Variants in APLP2 observed in about 807,000 individuals in gnomAD.
APLP2 encodes the protein CDEI box-binding protein.
A neutral mutation model predicts 89.9 loss-of-function variants in APLP2; 53 were observed. The observed-to-expected ratio is 0.59, with a 90% CI of 0.47 to 0.74. The LOEUF (loss-of-function observed/expected upper bound fraction) is 0.74. Ranked by LOEUF, APLP2 falls within the 30% of genes least tolerant of loss-of-function variation. APLP2 has a pLI of 0.00. For missense variants in APLP2, 973 were observed against 975.9 expected (o/e 1.00, Z 0.04); for synonymous variants, 372 against 348.6 (o/e 1.07, Z -0.75).
At chr11:130,122,161 C>A in intron 5 of APLP2, 144 bp from the exon 6 acceptor site, 4 of 964,944 alleles carry the variant, frequency 4.1e-6, no homozygotes, top group South Asian at 1.6e-5. Context: ...TGTAGCTGGG[C>A]CCCAGGGCTT....
Position 130,143,255 on chromosome 11 carries a change from G to A in APLP2, c.2155-92G>A, listed in dbSNP as rs997407342. The A allele has an allele frequency of 1.8e-5, 19 of 1,078,080 alleles. No individual in the cohort carries two copies. The African/African-American group carries it at 3.2e-4, about 18-fold the overall frequency. 66.8% of individuals were successfully genotyped at this position (1,078,080 alleles called of 1,614,324 possible). A position where few individuals can be genotyped will look rare whatever the true frequency, so the allele number is the denominator to read the frequency against. On this transcript the variant is annotated intron_variant, in intron 16 of 16. Transcript: ENST00000338167. ...GGCTGCTGGCTGCATTTGGTCCTCAGGGGATTGTGCAGCAAATGGCTCAGG... is the reference window on the plus strand; with the variant it reads ...GGCTGCTGGCTGCATTTGGTCCTCAAGGGATTGTGCAGCAAATGGCTCAGG...
chr11:130,111,532 T>G (rs1280974952), intron 3 of APLP2, among the ~76,000 whole-genome samples: 2 of 152,244 alleles, frequency 1.3e-5, no homozygotes, highest in African/African-American at 4.8e-5. Context: ...TCCTTCTGCT[T>G]CTGATGGCAG....
chr11:130,075,419 G>T (rs536114096), intron 1 of APLP2, among the ~76,000 whole-genome samples: 1 of 152,274 alleles, frequency 6.6e-6, no homozygotes, highest in East Asian at 1.9e-4. Context: ...CATCCTACTA[G>T]TATTTATTAA....
chr11:130,075,132 A>G (rs887355800), intron 1 of APLP2, among the ~76,000 whole-genome samples: 1 of 152,194 alleles, frequency 6.6e-6, no homozygotes, highest in African/African-American at 2.4e-5. Context: ...TTTCTTACCT[A>G]AGCATCGTGA....
intron 3 of APLP2, among the ~76,000 whole-genome samples, chr11:130,120,226 G>T (rs1423081117): frequency 1.3e-5 from 2 of 152,132 alleles, no homozygotes; most frequent in African/African-American, 4.8e-5. Flanking sequence ...TTGCCCCTTT[G>T]TAATTAATCA....
intron 1 of APLP2, among the ~76,000 whole-genome samples, chr11:130,091,831 A>T (rs1161810336): frequency 7.4e-6 from 1 of 134,778 alleles, no homozygotes; most frequent in African/African-American, 3.0e-5. Context: ...ACCCCCCCCC[A>T]CCTCCCTCCC....
intron 12 of APLP2, among the ~76,000 whole-genome samples, chr11:130,134,477 G>T (rs905170697): frequency 6.6e-6 from 1 of 152,198 alleles, no homozygotes; most frequent in African/African-American, 2.4e-5. Context: ...GCCAAAGTAT[G>T]CAGGGACCAG....
rs1941793317 is a variant in APLP2 at position 130,074,703 on chromosome 11, AT to A, written c.105+4623del. Among the ~76,000 whole-genome samples, 5 of 152,272 alleles carry A rather than the reference AT, an allele frequency of 3.3e-5. No individual in the cohort carries two copies. The South Asian group carries it at 1.0e-3, about 32-fold the overall frequency. The stretch of plus-strand genomic sequence containing the variant: ...TTCCCCAGGGAAACCTTACTGTAAT[AT>A]TGTATATACCCTTCTGTTAATAGAT... On this transcript the variant is annotated intron_variant, in intron 1 of 16. Transcript: ENST00000338167.
Position 130,133,639 on chromosome 11 carries a change from A to G in APLP2, c.1595A>G (p.His532Arg). The G allele has an allele frequency of 6.2e-7, 1 of 1,613,894 alleles. No homozygotes were observed. The highest frequency in any genetic ancestry group is 2.2e-5 in the East Asian group (1 of 44,872). ...TAACTCTGCTTCCAGGTGATGACACATCTCCACGTGATTGAAGAAAGGAGG... is the reference window on the plus strand; with the variant it reads ...TAACTCTGCTTCCAGGTGATGACACGTCTCCACGTGATTGAAGAAAGGAGG... ...AAQMKSQVMTHLHVIEERRNQ... is the reference protein window; with the variant it reads ...AAQMKSQVMTRLHVIEERRNQ... The change falls in exon 12 of 17, where the codon CAT becomes CGT. Residue 532 changes from histidine to arginine, a missense_variant. Physicochemically the swap from His to Arg is conservative, Grantham distance 29. Transcript: ENST00000338167.
intron 13 of APLP2, chr11:130,138,762 T>TC (rs1477911810): frequency 6.7e-6 from 1 of 149,630 alleles, no homozygotes; most frequent in Non-Finnish European, 1.5e-5. Flanking sequence ...AATTTTTTTT[T>TC]TTTTTTTTTT....
At chr11:130,130,252 C>T in intron 11 of APLP2, 86 bp downstream of exon 11, 1 of 1,562,844 alleles carries the variant, frequency 6.4e-7, no homozygotes, top group Non-Finnish European at 8.8e-7. Context: ...ACCAGCACTG[C>T]TAGTTGCATT....
chr11:130,141,075 T>A lies in APLP2; in HGVS notation c.1924-423T>A. 1 of 157,898 alleles carries A rather than the reference T, an allele frequency of 6.3e-6. No individual in the cohort carries two copies. Among genetic ancestry groups the A allele is most frequent in the Non-Finnish European group, 1.4e-5 (1 of 71,760 alleles). 9.8% of individuals were successfully genotyped at this position (157,898 alleles called of 1,614,324 possible). The stretch of plus-strand genomic sequence containing the variant: ...GCGTCCGCCACCACGCCTGGCTAAT[T>A]TTTTGTATTTTTAGTAGAGACGAGG... On this transcript the variant is annotated intron_variant, in intron 14 of 16. Transcript: ENST00000338167. The surrounding 1 kb of genome is among the most constrained non-coding windows in gnomAD (Gnocchi z 4.2).
At chr11:130,112,753 T>C (rs548516906) in intron 3 of APLP2, among the ~76,000 whole-genome samples, 1 of 152,256 alleles carries the variant, frequency 6.6e-6, no homozygotes, top group Non-Finnish European at 1.5e-5. Flanking sequence ...GACCAAATCA[T>C]GTCTCTCATG....
chr11:130,140,449 T>C lies in APLP2; in HGVS notation c.1889T>C (p.Val630Ala). 1 of 1,611,314 alleles carries C rather than the reference T, an allele frequency of 6.2e-7. No individual in the cohort carries two copies. The highest frequency in any genetic ancestry group is 8.5e-7 in the Non-Finnish European group (1 of 1,178,906). ...DGGLIGAEEKVINSKNKVDEN... is the reference protein window; with the variant it reads ...DGGLIGAEEKAINSKNKVDEN... ...GGACTGATCGGTGCCGAAGAGAAAG[T>C]GATTAACAGTAAGAATAAAGTGGAT... The change falls in exon 14 of 17, where the codon GTG (valine) becomes GCG (alanine). Residue 630 changes from valine (V) to alanine (A), a missense_variant. Transcript: ENST00000338167.
At position 130,069,973 on chromosome 11, in the gene APLP2, G is replaced by A. The variant is rs1413823801; in HGVS notation, c.-5G>A. 2.0e-6 allele frequency: 3 copies of A among 1,504,696 alleles called. No individual in the cohort carries two copies. The highest frequency in any genetic ancestry group is 2.7e-6 in the Non-Finnish European group (3 of 1,131,144). 93.2% of individuals were successfully genotyped at this position (1,504,696 alleles called of 1,614,324 possible). ...GAGCCGCGCGCTAGAGCGACCCGGC[G>A]AGGGATGGCGGCCACCGGGACCGCG... On this transcript the variant is annotated 5_prime_UTR_variant, in exon 1 of 17. Coordinates refer to ENST00000338167, the MANE Select transcript of APLP2 (RefSeq NM_001142276.2).
At chr11:130,074,383 T>A in intron 1 of APLP2, among the ~76,000 whole-genome samples, 1 of 152,068 alleles carries the variant, frequency 6.6e-6, no homozygotes, top group East Asian at 1.9e-4. Context: ...GCCTGGCTCA[T>A]TTTTATATTT....
At chr11:130,142,203 A>G (rs1952505627) in intron 16 of APLP2, 129 bp downstream of exon 16, 1 of 1,077,418 alleles carries the variant, frequency 9.3e-7, no homozygotes, top group African/African-American at 1.6e-5. Context: ...TCAGTTACTC[A>G]CTGGATTCCT....
In APLP2 at chr11:130,069,902, C is replaced by G. The variant is rs1347202528; in HGVS notation, c.-76C>G. 2.6e-6 allele frequency: 3 copies of G among 1,151,608 alleles called. No homozygotes were observed. The highest frequency in any genetic ancestry group is 2.7e-5 in the South Asian group (2 of 73,504). 71.3% of individuals were successfully genotyped at this position (1,151,608 alleles called of 1,614,324 possible). ...GGCGGCGAACTGGCTTTAGATGCTT[C>G]TGGGTCGCGGTGTGCTAAGCGAGGA... On this transcript the variant is annotated 5_prime_UTR_variant, in exon 1 of 17. Transcript: ENST00000338167.
intron 3 of APLP2, 67 bp downstream of exon 3, chr11:130,110,728 G>C: frequency 6.7e-7 from 1 of 1,495,554 alleles, no homozygotes; most frequent in Non-Finnish European, 8.9e-7. Context: ...ATTTTCTCTT[G>C]GCTCACAGTG....
Sources: gnomAD v4.1 joint callset for allele counts (sites outside exome capture counted in the v4.1 genomes callset) on GRCh38, gnomAD v4.1.1 for gene constraint, Gnocchi (gnomAD v3.1) non-coding constraint, MANE v1.5 for transcripts, NCBI Gene and HGNC (gene_info 2026-07-23, HGNC 2026-07-21) for gene names.